Variants in C6 observed in about 807,000 individuals in gnomAD.
C6 encodes complement component C6.
C6 carries 101 observed loss-of-function variants against 112.9 expected under a neutral mutation model. That is an observed-to-expected ratio of 0.89 (90% CI 0.76 to 1.06). The LOEUF is 1.06. Among genes scored for constraint, C6 ranks in the 50% least tolerant of loss-of-function variants. C6 has a pLI of 0.00. For synonymous variants in C6, 431 were observed against 384.1 expected (o/e 1.12, Z -1.43); for missense variants, 1,202 against 1,104.6 (o/e 1.09, Z -1.25).
At chr5:41,219,065 C>G (rs1164924952) in intron 1 of C6, among the ~76,000 whole-genome samples, 1 of 152,188 alleles carries the variant, frequency 6.6e-6, no homozygotes, top group Non-Finnish European at 1.5e-5. Flanking sequence ...AACAATTTCA[C>G]AAGTGGCACT....
chr5:41,230,077 G>A (rs1277253374), intron 1 of C6, among the ~76,000 whole-genome samples: 1 of 152,038 alleles, frequency 6.6e-6, no homozygotes, highest in African/African-American at 2.4e-5. Flanking sequence ...AATTTCTTAT[G>A]TCTGTCTTTA....
In C6 at chr5:41,233,057, G is replaced by A. The variant is rs187371307; in HGVS notation, c.-21+28137C>T. ...ATTCTATTATGTATATAATTTTCAT[G>A]TGTATTACTGTATTTTCTGTATTTA... is the stretch of plus-strand genomic sequence containing the variant. On this transcript the variant is annotated intron_variant, in intron 1 of 17. Transcript: ENST00000263413. Among the ~76,000 whole-genome samples the A allele has an allele frequency of 3.3e-3, 508 of 151,978 alleles. 1 individual carries two copies. Among genetic ancestry groups the A allele is most frequent in the Non-Finnish European group, 5.5e-3 (373 of 67,920 alleles).
chr5:41,249,653 T>C (rs1741224114), intron 1 of C6, among the ~76,000 whole-genome samples: 1 of 152,216 alleles, frequency 6.6e-6, no homozygotes, highest in African/African-American at 2.4e-5. Flanking sequence ...CAATCTATCA[T>C]ACCTTCGGCT....
Position 41,213,515 on chromosome 5 carries a change from G to A in C6, c.-160C>T. ...TTGCTAGCTAACACAAGGCAATGCT[G>A]TCATATCCCAGAAGCCTAGCAACAC... is the stretch of plus-strand genomic sequence containing the variant. On this transcript the variant is annotated 5_prime_UTR_variant, in exon 1 of 18. Transcript: ENST00000337836. 2 of 985,232 alleles carry A rather than the reference G, an allele frequency of 2.0e-6. No individual in the cohort carries two copies. The highest frequency in any genetic ancestry group is 2.4e-6 in the Non-Finnish European group (2 of 829,798). The allele number at this position is 985,232 out of a possible 1,614,324, so 61.0% of individuals were successfully genotyped here.
At chr5:41,210,774 T>G (rs1294664415) in intron 1 of C6, among the ~76,000 whole-genome samples, 1 of 152,080 alleles carries the variant, frequency 6.6e-6, no homozygotes, top group Non-Finnish European at 1.5e-5. Context: ...ATAGGAACAT[T>G]TTACACTGTT....
intron 1 of C6, among the ~76,000 whole-genome samples, chr5:41,255,504 A>G (rs1186341685): frequency 6.6e-6 from 1 of 152,182 alleles, no homozygotes; most frequent in Non-Finnish European, 1.5e-5. Context: ...ATATAGTAGT[A>G]CAAGTGTGTC....
At chr5:41,161,104 G>A (rs1020922778) in intron 10 of C6, among the ~76,000 whole-genome samples, 2 of 152,080 alleles carry the variant, frequency 1.3e-5, no homozygotes, top group South Asian at 4.1e-4. Flanking sequence ...TCATTTAAAT[G>A]AAATGAACAT....
At chr5:41,260,596 C>T (rs952509603) in intron 1 of C6, among the ~76,000 whole-genome samples, 1 of 151,716 alleles carries the variant, frequency 6.6e-6, no homozygotes, top group African/African-American at 2.4e-5. Flanking sequence ...ACGGAGAAAC[C>T]CCATCTCTAC....
At chr5:41,194,182 A>T (rs2150351301) in intron 5 of C6, among the ~76,000 whole-genome samples, 1 of 152,300 alleles carries the variant, frequency 6.6e-6, no homozygotes, top group Admixed American at 6.5e-5. Context: ...TTGTAGGCAA[A>T]CCAAGAGAAG....
At chr5:41,218,884 T>C (rs1377086772) in intron 1 of C6, among the ~76,000 whole-genome samples, 1 of 152,162 alleles carries the variant, frequency 6.6e-6, no homozygotes, top group Non-Finnish European at 1.5e-5. Flanking sequence ...ATAAATACTG[T>C]CCCTGTGAAA....
rs992854962 is a variant in C6 at position 41,213,099 on chromosome 5, A to C, written c.-21+277T>G. ...AAGGTAAGCTGGGTAGTCCAGGTGC[A>C]TGACTGACCTTGGCTAAAGAGTATG... On this transcript the variant is annotated intron_variant, in intron 1 of 17. Transcript: ENST00000337836. 3 of 152,228 alleles carry C rather than the reference A, an allele frequency of 2.0e-5. No individual in the cohort carries two copies. In the East Asian group the frequency reaches 5.8e-4, roughly 29 times the overall value. The allele number at this position is 152,228 out of a possible 1,614,324, so 9.4% of individuals were successfully genotyped here.
intron 1 of C6, among the ~76,000 whole-genome samples, chr5:41,230,900 G>A (rs1444349293): frequency 6.6e-6 from 1 of 152,088 alleles, no homozygotes; most frequent in African/African-American, 2.4e-5. Context: ...TTGGGGGCTG[G>A]TTCCCCTAAT....
intron 1 of C6, among the ~76,000 whole-genome samples, chr5:41,205,190 A>G (rs116220623): frequency 0.013 from 1,937 of 152,336 alleles, 23 homozygotes; most frequent in Non-Finnish European, 0.018. Flanking sequence ...TTTTTACTCC[A>G]ACTCATAGAT....
At chr5:41,217,842 G>A (rs146697289), upstream of C6, among the ~76,000 whole-genome samples, 536 of 152,194 alleles carry the variant, frequency 3.5e-3, 3 homozygotes, top group African/African-American at 0.012. Flanking sequence ...ATTGAAGTCA[G>A]ATGAATTGTA....
chr5:41,160,072 A>T, intron 11 of C6, 70 bp downstream of exon 11: 2 of 1,298,158 alleles, frequency 1.5e-6, no homozygotes, highest in Non-Finnish European at 2.2e-6. Context: ...GTTTCTTTTT[A>T]ATTGACCAAC....
intron 1 of C6, among the ~76,000 whole-genome samples, chr5:41,234,465 T>C (rs929656337): frequency 2.6e-5 from 4 of 152,010 alleles, no homozygotes; most frequent in African/African-American, 7.2e-5. Context: ...CTTGGTCTTG[T>C]AAATCCTATC....
intron 5 of C6, among the ~76,000 whole-genome samples, chr5:41,188,384 G>A (rs1236080739): frequency 6.6e-6 from 1 of 152,038 alleles, no homozygotes; most frequent in Non-Finnish European, 1.5e-5. Flanking sequence ...CAAAATTAGG[G>A]TCATCAAGAC....
upstream of C6, among the ~76,000 whole-genome samples, chr5:41,213,934 T>C (rs534466257): frequency 1.6e-4 from 24 of 152,284 alleles, no homozygotes; most frequent in African/African-American, 5.8e-4. Context: ...AAGTTTATTA[T>C]AGTAAAAAGT....
At chr5:41,188,662 G>A (rs1462485735) in intron 5 of C6, among the ~76,000 whole-genome samples, 1 of 151,874 alleles carries the variant, frequency 6.6e-6, no homozygotes, top group Non-Finnish European at 1.5e-5. Context: ...TGAAACTATA[G>A]AACTTTTAGA....
Sources: gnomAD v4.1 joint callset for allele counts (sites outside exome capture counted in the v4.1 genomes callset) on GRCh38, gnomAD v4.1.1 for gene constraint, MANE v1.5 for transcripts, NCBI Gene and HGNC (gene_info 2026-07-23, HGNC 2026-07-21) for gene names.